Variants in CCNB1 observed in about 807,000 individuals in gnomAD.
The protein encoded by CCNB1 is cyclin B1, also known as G2/mitotic-specific cyclin-B1.
In CCNB1, 26 loss-of-function variants were observed where a neutral mutation model predicts 44.4. That is an observed-to-expected ratio of 0.59 (90% CI 0.43 to 0.81). CCNB1 has a LOEUF of 0.81. Among genes scored for constraint, CCNB1 ranks in the 40% least tolerant of loss-of-function variants. The probability of loss-of-function intolerance (pLI) is 0.00; values close to 1 mark genes in which losing one functional copy is unlikely to be tolerated. For synonymous variants in CCNB1, 195 were observed against 181.4 expected (o/e 1.08, Z -0.60); for missense variants, 477 against 520.9 (o/e 0.92, Z 0.82).
chr5:69,167,951 C>T lies in CCNB1; in HGVS notation c.65C>T (p.Ala22Val). Residue 22 changes from alanine to valine, a missense_variant, in exon 2 of 9, where the codon GCA becomes GTA. Ala to Val is a moderately conservative substitution (Grantham distance 64). Transcript: ENST00000256442. ...GAAAATAAGGCGAAGATCAACATGG[C>T]AGGCGCAAAGCGCGTTCCTACGGCC... ...NAENKAKINM[A>V]GAKRVPTAPA... 1 of 1,613,648 alleles carries T rather than the reference C, an allele frequency of 6.2e-7. No individual in the cohort carries two copies. Among genetic ancestry groups the T allele is most frequent in the African/African-American group, 1.3e-5 (1 of 75,026 alleles).
intron 7 of CCNB1, among the ~76,000 whole-genome samples, chr5:69,176,408 G>A (rs961721620): frequency 2.0e-4 from 31 of 151,792 alleles, no homozygotes; most frequent in African/African-American, 7.5e-4. Flanking sequence ...CCAGGCTGGA[G>A]AGCAGTGGCG....
chr5:69,175,306 A>G, intron 6 of CCNB1, 91 bp from the exon 7 acceptor site: 1 of 1,228,128 alleles, frequency 8.1e-7, no homozygotes, highest in Non-Finnish European at 1.1e-6. Flanking sequence ...TTGTAGACAA[A>G]CATTTGTAGT....
chr5:69,167,221 C>G lies in CCNB1; in HGVS notation c.-42C>G, dbSNP rs756621769. The G allele has an allele frequency of 2.0e-6, 3 of 1,529,546 alleles. No individual in the cohort carries two copies. In the Admixed American group the frequency reaches 6.0e-5, roughly 31 times the overall value. The allele number at this position is 1,529,546 out of a possible 1,614,324, so 94.7% of individuals were successfully genotyped here. A position where few individuals can be genotyped will look rare whatever the true frequency, so the allele number is the denominator to read the frequency against. On this transcript the variant is annotated 5_prime_UTR_variant, in exon 1 of 9. Transcript: ENST00000256442. ...CTTGGCTGGTCGGGCCTCCGGTGTT[C>G]TGCTTCTCCCCGCTGAGCTGCTGCC... is the stretch of plus-strand genomic sequence containing the variant.
rs770630440 is a variant in CCNB1 at position 69,175,075 on chromosome 5, C to T, written c.904C>T (p.Pro302Ser). The T allele has an allele frequency of 6.2e-7, 1 of 1,614,056 alleles. No individual in the cohort carries two copies. Among genetic ancestry groups the T allele is most frequent in the Admixed American group, 1.7e-5 (1 of 60,018 alleles). Residue 302 changes from proline to serine, a missense_variant, in exon 6 of 9, where the codon CCT becomes TCT. Coordinates refer to ENST00000256442, the MANE Select transcript of CCNB1 (RefSeq NM_031966.4). ...ALNFGLGRPL[P>S]LHFLRRASKI... ...AAACTTTGGTCTGGGTCGGCCTCTA[C>T]CTTTGCACTTCCTTCGGAGAGCATC...
intron 4 of CCNB1, among the ~76,000 whole-genome samples, chr5:69,173,398 A>G (rs1458687493): frequency 6.6e-6 from 1 of 152,188 alleles, no homozygotes; most frequent in African/African-American, 2.4e-5. Context: ...AATGTATACA[A>G]TAATATCAAG....
chr5:69,176,540 ATATT>A (rs1195787997), intron 7 of CCNB1, among the ~76,000 whole-genome samples: 3 of 145,682 alleles, frequency 2.1e-5, no homozygotes, highest in Admixed American at 6.8e-5. Flanking sequence ...ATATATATAT[ATATT>A]TTTTTTTAGT....
intron 8 of CCNB1, 53 bp downstream of exon 8, chr5:69,177,402 T>C: frequency 7.6e-7 from 1 of 1,322,256 alleles, no homozygotes; most frequent in Non-Finnish European, 1.1e-6. Context: ...TAATTCAAAC[T>C]TAATGCCTGC....
rs1747456036 is a variant in CCNB1 at position 69,171,362 on chromosome 5, A to G, written c.456A>G (p.Ala152=). The G allele has an allele frequency of 2.5e-6, 4 of 1,613,958 alleles. No individual in the cohort carries two copies. The highest frequency in any genetic ancestry group is 2.5e-6 in the Non-Finnish European group (3 of 1,179,930). Residue 152 remains alanine (A), a synonymous_variant, in exon 4 of 9, where the codon GCA becomes GCG. Coordinates refer to ENST00000256442, the MANE Select transcript of CCNB1 (RefSeq NM_031966.4). ...LCQAFSDVIL[A]VNDVDAEDGA... ...AGGCTTTCTCTGATGTAATTCTTGC[A>G]GTAAATGATGTGGATGCAGAAGATG...
Position 69,174,323 on chromosome 5 carries a change from G to C in CCNB1, c.619G>C (p.Asp207His). Residue 207 changes from aspartate (D) to histidine (H), a missense_variant, in exon 5 of 9, where the codon GAC becomes CAC. Transcript: ENST00000256442. ...VTGNMRAILI[D>H]WLVQVQMKFR... ...TGGAAACATGAGAGCCATCCTAATT[G>C]ACTGGCTAGTACAGGTTCAAATGAA... 6.2e-7 allele frequency: 1 copy of C among 1,614,102 alleles called. No homozygotes were observed. The highest frequency in any genetic ancestry group is 8.5e-7 in the Non-Finnish European group (1 of 1,179,982).
At chr5:69,174,171 A>G in intron 4 of CCNB1, 80 bp from the exon 5 acceptor site, 2 of 1,244,148 alleles carry the variant, frequency 1.6e-6, no homozygotes, top group Admixed American at 3.8e-5. Flanking sequence ...GTGCTACTGT[A>G]GGAACTAACT....
intron 7 of CCNB1, among the ~76,000 whole-genome samples, chr5:69,176,006 T>TATATATATAC (rs1747580685): frequency 8.0e-6 from 1 of 124,594 alleles, no homozygotes; most frequent in Admixed American, 8.3e-5. Flanking sequence ...TATATATATA[T>TATATATATAC]ATATATATAC....
rs1747621032 is a variant in CCNB1, at chr5:69,177,442, T to A, written c.1195-82T>A. On this transcript the variant is annotated intron_variant, in intron 8 of 8. Coordinates refer to ENST00000256442, the MANE Select transcript of CCNB1 (RefSeq NM_031966.4). ...GCCTGGTTTATTTTTAATGAGTTAATGTTTTAAATGAATACCTGTATCATT... is the reference window on the plus strand; with the variant it reads ...GCCTGGTTTATTTTTAATGAGTTAAAGTTTTAAATGAATACCTGTATCATT... The A allele has an allele frequency of 2.4e-6, 3 of 1,242,254 alleles. No homozygotes were observed. In the South Asian group the frequency reaches 3.7e-5, roughly 15 times the overall value. The allele number at this position is 1,242,254 out of a possible 1,614,324, so 77.0% of individuals were successfully genotyped here.
intron 4 of CCNB1, 70 bp downstream of exon 4, chr5:69,171,522 T>A: frequency 8.7e-7 from 1 of 1,147,086 alleles, no homozygotes; most frequent in Non-Finnish European, 1.2e-6. Context: ...ATCAATAGTT[T>A]ATAATAATAC....
intron 3 of CCNB1, among the ~76,000 whole-genome samples, chr5:69,168,691 T>C (rs1229877324): frequency 6.6e-6 from 1 of 152,228 alleles, no homozygotes; most frequent in Non-Finnish European, 1.5e-5. Context: ...TATTAAGTAG[T>C]AGCTGTCTGA....
chr5:69,174,775 T>G (rs1747544450), intron 5 of CCNB1, 102 bp from the exon 6 acceptor site: 1 of 932,188 alleles, frequency 1.1e-6, no homozygotes, highest in Non-Finnish European at 1.7e-6. Context: ...ATGGTGTCAT[T>G]AAGATTTTGC....
rs777718924 is a variant in CCNB1, at chr5:69,177,627, T to C, written c.1298T>C (p.Val433Ala). ...VQDLAKAVAK[V>A] ...GATTTAGCCAAGGCTGTGGCAAAGG[T>C]GTAACTTGTAAACTTGAGTTGGAGT... The change falls in exon 9 of 9, where the codon GTG becomes GCG. Residue 433 changes from valine (V) to alanine (A), a missense_variant. Coordinates refer to ENST00000256442, the MANE Select transcript of CCNB1 (RefSeq NM_031966.4). The C allele has an allele frequency of 1.3e-6, 2 of 1,597,832 alleles. No homozygotes were observed. The highest frequency in any genetic ancestry group is 1.7e-6 in the Non-Finnish European group (2 of 1,165,962).
intron 1 of CCNB1, 112 bp from the exon 2 acceptor site, chr5:69,167,796 A>G (rs912333356): frequency 1.1e-5 from 11 of 996,958 alleles, no homozygotes; most frequent in Non-Finnish European, 1.3e-5. Context: ...CTCGGAACCC[A>G]TTTTTAGTCG....
chr5:69,175,349 A>C (rs1370970914), intron 6 of CCNB1, 48 bp from the exon 7 acceptor site: 1 of 1,593,808 alleles, frequency 6.3e-7, no homozygotes, highest in Non-Finnish European at 8.6e-7. Flanking sequence ...GGTTAGTGCC[A>C]AAGGAAAATT....
chr5:69,176,396 G>A (rs984465149), intron 7 of CCNB1, among the ~76,000 whole-genome samples: 6 of 151,160 alleles, frequency 4.0e-5, no homozygotes, highest in East Asian at 2.0e-4. Context: ...TCTCTCTGTC[G>A]CCCAGGCTGG....
Sources: gnomAD v4.1 joint callset for allele counts (sites outside exome capture counted in the v4.1 genomes callset) on GRCh38, gnomAD v4.1.1 for gene constraint, MANE v1.5 for transcripts, NCBI Gene and HGNC (gene_info 2026-07-23, HGNC 2026-07-21) for gene names.